POU2AF2: variants seen among roughly 807,000 people sequenced by gnomAD.
POU2AF2 encodes the protein POU domain class 2-associating factor 2.
the POU2AF2 span, chr11:111,285,601 C>T: frequency 3.2e-6 from 5 of 1,566,850 alleles, no homozygotes; most frequent in South Asian, 6.0e-5. Flanking sequence ...CACAATGTAT[C>T]ATCAGAGTGT....
chr11:111,282,890 A>T, the POU2AF2 span, among the ~76,000 whole-genome samples: 1 of 152,110 alleles, frequency 6.6e-6, no homozygotes, highest in Non-Finnish European at 1.5e-5. Context: ...TATGCCCTCA[A>T]ACATGTTCTG....
At chr11:111,252,629 G>A in the POU2AF2 span, among the ~76,000 whole-genome samples, 2 of 151,480 alleles carry the variant, frequency 1.3e-5, no homozygotes, top group African/African-American at 2.4e-5. Flanking sequence ...AGAAGTTGAG[G>A]GTCAATTTGT....
At chr11:111,248,676 C>A in the POU2AF2 span, among the ~76,000 whole-genome samples, 4 of 152,102 alleles carry the variant, frequency 2.6e-5, no homozygotes. Flanking sequence ...TTTGTTTGAA[C>A]TATCTCTTTA....
the POU2AF2 span, among the ~76,000 whole-genome samples, chr11:111,278,063 T>C: frequency 6.6e-6 from 1 of 152,172 alleles, no homozygotes; most frequent in South Asian, 2.1e-4. Context: ...AGTGTTAAAA[T>C]ATTAAACAGG....
At chr11:111,246,020 A>G in the POU2AF2 span, among the ~76,000 whole-genome samples, 1 of 152,236 alleles carries the variant, frequency 6.6e-6, no homozygotes, top group Non-Finnish European at 1.5e-5. Context: ...AGGACTACCT[A>G]TTTAGAACTC....
the POU2AF2 span, chr11:111,283,980 A>T: frequency 9.0e-7 from 1 of 1,111,148 alleles, no homozygotes; most frequent in Non-Finnish European, 1.3e-6. Context: ...GGCACGCGTT[A>T]GTAACATCGT....
At chr11:111,271,500 C>A in the POU2AF2 span, among the ~76,000 whole-genome samples, 2 of 152,094 alleles carry the variant, frequency 1.3e-5, no homozygotes, top group Admixed American at 1.3e-4. Context: ...TGGCTCACTG[C>A]AGCCTTGACC....
the POU2AF2 span, chr11:111,284,374 A>G: frequency 1.6e-5 from 25 of 1,599,488 alleles, no homozygotes; most frequent in South Asian, 2.0e-4. Context: ...CTCACTTCCT[A>G]TTTGTGAGTA....
At chr11:111,285,681 A>G in the POU2AF2 span, 2 of 1,613,216 alleles carry the variant, frequency 1.2e-6, no homozygotes, top group South Asian at 1.1e-5. Context: ...ACGTTGCCTG[A>G]CGGTCTCAGC....
chr11:111,256,093 G>GT, the POU2AF2 span: 1 of 399,070 alleles, frequency 2.5e-6, no homozygotes, highest in East Asian at 3.6e-5. Flanking sequence ...AAGACTTAAT[G>GT]TAAGTCCCAA....
At chr11:111,270,634 G>GT in the POU2AF2 span, among the ~76,000 whole-genome samples, 2 of 152,086 alleles carry the variant, frequency 1.3e-5, no homozygotes, top group East Asian at 1.9e-4. Flanking sequence ...AAAAAGTAGG[G>GT]TTTTTTTATT....
the POU2AF2 span, among the ~76,000 whole-genome samples, chr11:111,260,547 G>A: frequency 2.0e-5 from 3 of 152,164 alleles, no homozygotes; most frequent in Non-Finnish European, 4.4e-5. Flanking sequence ...ACACCGGGGA[G>A]AAGATACACA....
chr11:111,281,457 A>T, the POU2AF2 span: 1 of 1,612,598 alleles, frequency 6.2e-7, no homozygotes, highest in Non-Finnish European at 8.5e-7. Flanking sequence ...ACTTTAATTC[A>T]ATAAGCAATT....
the POU2AF2 span, among the ~76,000 whole-genome samples, chr11:111,281,593 C>T: frequency 6.6e-6 from 1 of 152,196 alleles, no homozygotes; most frequent in Non-Finnish European, 1.5e-5. Flanking sequence ...AAGGACAGAA[C>T]TCATGCAGTA....
At chr11:111,245,933 T>A in the POU2AF2 span, 1 of 398,088 alleles carries the variant, frequency 2.5e-6, no homozygotes, top group Non-Finnish European at 4.4e-6. Flanking sequence ...TAACACAAAG[T>A]CATAACATAA....
the POU2AF2 span, chr11:111,256,129 G>A: frequency 2.5e-6 from 1 of 398,956 alleles, no homozygotes; most frequent in Non-Finnish European, 4.4e-6. Context: ...GGTGCTTGCA[G>A]GTTCTCTCTC....
At chr11:111,249,627 C>T in the POU2AF2 span, among the ~76,000 whole-genome samples, 1 of 152,204 alleles carries the variant, frequency 6.6e-6, no homozygotes. Flanking sequence ...CCTTCCCAAA[C>T]TCGACTGTCT....
the POU2AF2 span, among the ~76,000 whole-genome samples, chr11:111,276,453 A>AAAAAAAATATATATATAT: frequency 6.6e-4 from 25 of 37,616 alleles, no homozygotes; most frequent in African/African-American, 1.2e-3. Context: ...AAAAAAAAAA[A>AAAAAAAATATATATATAT]ATATATATAT....
At chr11:111,285,248 C>T in the POU2AF2 span, among the ~76,000 whole-genome samples, 2 of 152,138 alleles carry the variant, frequency 1.3e-5, no homozygotes, top group African/African-American at 4.8e-5. Context: ...GAGTTGAAGG[C>T]CTACTCCGAG....
Sources: allele counts gnomAD v4.1 joint callset (sites outside exome capture counted in the v4.1 genomes callset), GRCh38; gene constraint gnomAD v4.1.1; transcripts MANE v1.5; gene names NCBI Gene and HGNC (gene_info 2026-07-23, HGNC 2026-07-21).